The following ARHGAP24 variants were observed in gnomAD, a reference collection of about 807,000 sequenced individuals.
ARHGAP24 encodes the protein Rho GTPase activating protein 24, also known as rho GTPase-activating protein 24.
In ARHGAP24, 50 loss-of-function variants were observed where a neutral mutation model predicts 76.4. The ratio of observed to expected loss-of-function variants is 0.65; its 90% CI spans 0.52 to 0.83. The LOEUF (loss-of-function observed/expected upper bound fraction) is 0.83. ARHGAP24 is among the 40% of genes least tolerant of loss of function. The pLI is 0.00. For missense variants in ARHGAP24, 930 were observed against 914.2 expected (o/e 1.02, Z -0.22); for synonymous variants, 345 against 323.3 (o/e 1.07, Z -0.72).
At chr4:85,888,125 G>C (rs971550810) in intron 3 of ARHGAP24, among the ~76,000 whole-genome samples, 1 of 152,034 alleles carries the variant, frequency 6.6e-6, no homozygotes, top group Non-Finnish European at 1.5e-5. Flanking sequence ...TATCTGTGCT[G>C]GGCGTGGTGG....
intron 3 of ARHGAP24, among the ~76,000 whole-genome samples, chr4:85,909,626 G>C (rs1734957479): frequency 6.6e-6 from 1 of 152,056 alleles, no homozygotes; most frequent in African/African-American, 2.4e-5. Flanking sequence ...TAAACCCATG[G>C]GTGTTCATTA....
At chr4:85,553,766 A>G (rs1273340272) in intron 1 of ARHGAP24, among the ~76,000 whole-genome samples, 13 of 152,210 alleles carry the variant, frequency 8.5e-5, no homozygotes, top group Non-Finnish European at 1.5e-4. Context: ...TTCTTTATCC[A>G]GCTTGCTACT....
At chr4:85,691,486 T>C (rs923584942) in intron 2 of ARHGAP24, among the ~76,000 whole-genome samples, 1 of 152,210 alleles carries the variant, frequency 6.6e-6, no homozygotes, top group Non-Finnish European at 1.5e-5. Flanking sequence ...TTTCTTTTCA[T>C]AGGTCAAGAA....
rs1279176316 is a variant in ARHGAP24, at chr4:86,001,107, A to G, written c.*385A>G. The G allele has an allele frequency of 2.6e-6, 1 of 391,896 alleles. No individual in the cohort carries two copies. Among genetic ancestry groups the G allele is most frequent in the Non-Finnish European group, 4.5e-6 (1 of 223,548 alleles). 24.3% of individuals were successfully genotyped at this position (391,896 alleles called of 1,614,324 possible). Reference sequence around the variant, plus strand: ...CATAAGCTATTTTTGGCATTGTGTTATCATCGGCTTATTTTATAGATCAAT... The same window carrying G: ...CATAAGCTATTTTTGGCATTGTGTTGTCATCGGCTTATTTTATAGATCAAT... On this transcript the variant is annotated 3_prime_UTR_variant, in exon 10 of 10. Coordinates refer to ENST00000395184, the MANE Select transcript of ARHGAP24 (RefSeq NM_001025616.3).
At chr4:85,746,208 G>A (rs1371599147) in intron 3 of ARHGAP24, among the ~76,000 whole-genome samples, 2 of 152,214 alleles carry the variant, frequency 1.3e-5, no homozygotes, top group African/African-American at 2.4e-5. Context: ...CCTCCTTAGC[G>A]ATATGATGCC....
At chr4:85,969,412 G>C (rs907359506) in intron 5 of ARHGAP24, among the ~76,000 whole-genome samples, 1 of 151,738 alleles carries the variant, frequency 6.6e-6, no homozygotes, top group Non-Finnish European at 1.5e-5. Flanking sequence ...GATAGCTTCT[G>C]TTTATATAGT....
chr4:85,950,619 T>C (rs1737555394), intron 5 of ARHGAP24, among the ~76,000 whole-genome samples: 1 of 151,972 alleles, frequency 6.6e-6, no homozygotes. Context: ...CAGATTATAA[T>C]AATTTTTTTT....
intron 1 of ARHGAP24, among the ~76,000 whole-genome samples, chr4:85,504,024 GT>G: frequency 6.6e-6 from 1 of 152,314 alleles, no homozygotes; most frequent in South Asian, 2.1e-4. Flanking sequence ...TAGTTGTGTG[GT>G]TTTGAGTGAG....
At chr4:85,695,265 C>A (rs1012957129) in intron 2 of ARHGAP24, among the ~76,000 whole-genome samples, 2 of 152,184 alleles carry the variant, frequency 1.3e-5, no homozygotes, top group African/African-American at 4.8e-5. Flanking sequence ...TATGTAAGTT[C>A]TCTGCTACTT....
At chr4:85,848,227 A>C (rs919641018) in intron 3 of ARHGAP24, among the ~76,000 whole-genome samples, 1 of 152,172 alleles carries the variant, frequency 6.6e-6, no homozygotes, top group Non-Finnish European at 1.5e-5. Flanking sequence ...GTACATGTGC[A>C]CAACATGCAG....
chr4:85,562,768 G>A (rs1244307951), intron 1 of ARHGAP24, among the ~76,000 whole-genome samples: 1 of 152,166 alleles, frequency 6.6e-6, no homozygotes, highest in Non-Finnish European at 1.5e-5. Context: ...CAGAATATCA[G>A]GAATGGCGTG....
intron 1 of ARHGAP24, 25 bp from the exon 2 acceptor site, chr4:85,570,497 T>C: frequency 6.2e-7 from 1 of 1,600,532 alleles, no homozygotes. Context: ...CTCATTATTT[T>C]CCTTTCTTTT....
In ARHGAP24 at chr4:85,900,742, G is replaced by C. The variant is rs574205361; in HGVS notation, c.269-22906G>C. On this transcript the variant is annotated intron_variant, in intron 3 of 9. Transcript: ENST00000395184. ...CGCCCGGCTGGGAAGACCGTTCTTC[G>C]CACCACAAAGGCAAGGGATTCTCCT... Among the ~76,000 whole-genome samples, 7 of 152,192 alleles carry C rather than the reference G, an allele frequency of 4.6e-5. No individual in the cohort carries two copies. In the South Asian group the frequency reaches 1.2e-3, roughly 27 times the overall value.
chr4:85,696,972 G>A (rs1723891447), intron 2 of ARHGAP24, among the ~76,000 whole-genome samples: 2 of 152,180 alleles, frequency 1.3e-5, no homozygotes, highest in African/African-American at 2.4e-5. Flanking sequence ...TGCATATGGA[G>A]TGATAGTGGG....
intron 2 of ARHGAP24, among the ~76,000 whole-genome samples, chr4:85,706,687 T>A (rs1724320988): frequency 6.6e-6 from 1 of 151,930 alleles, no homozygotes; most frequent in Non-Finnish European, 1.5e-5. Context: ...TGCCTCAGCC[T>A]CCTGAGTAGC....
intron 2 of ARHGAP24, among the ~76,000 whole-genome samples, chr4:85,690,315 C>G (rs28809183): frequency 6.6e-6 from 1 of 152,060 alleles, no homozygotes; most frequent in African/African-American, 2.4e-5. Context: ...TGGGCTGATT[C>G]CAGCTCATAG....
At chr4:85,667,541 A>G (rs562698243) in intron 2 of ARHGAP24, among the ~76,000 whole-genome samples, 1 of 152,266 alleles carries the variant, frequency 6.6e-6, no homozygotes, top group South Asian at 2.1e-4. Context: ...CCTTAGTGAG[A>G]TGAACCCCGT....
chr4:85,685,743 G>A (rs1199569525), intron 2 of ARHGAP24, among the ~76,000 whole-genome samples: 1 of 152,154 alleles, frequency 6.6e-6, no homozygotes. Flanking sequence ...TGTTACAAGA[G>A]CAGGTACTGC....
At position 85,785,995 on chromosome 4, in the gene ARHGAP24, T is replaced by A. The variant is rs541608862; in HGVS notation, c.268+64023T>A. On this transcript the variant is annotated intron_variant, in intron 3 of 9. Coordinates refer to ENST00000395184, the MANE Select transcript of ARHGAP24 (RefSeq NM_001025616.3). ...AGAGACCACTACTACCTTTTTTTTT[T>A]ATTTCTGTAAAAGGACTTAGGCTTT... Among the ~76,000 whole-genome samples, 11 of 151,378 alleles carry A rather than the reference T, an allele frequency of 7.3e-5. No homozygotes were observed. In the East Asian group the frequency reaches 1.9e-3, roughly 27 times the overall value.
Sources: gnomAD v4.1 joint callset for allele counts (sites outside exome capture counted in the v4.1 genomes callset) on GRCh38, gnomAD v4.1.1 for gene constraint, MANE v1.5 for transcripts, NCBI Gene and HGNC (gene_info 2026-07-23, HGNC 2026-07-21) for gene names.